TSHZ3: variants seen among roughly 807,000 people sequenced by gnomAD.
The protein encoded by TSHZ3 is teashirt zinc finger homeobox 3.
A neutral mutation model predicts 64.5 loss-of-function variants in TSHZ3; 10 were observed. The observed-to-expected ratio is 0.16, with a 90% confidence interval of 0.10 to 0.26. The LOEUF (loss-of-function observed/expected upper bound fraction) is 0.26. TSHZ3 is among the 10% of genes least tolerant of loss of function. TSHZ3 has a pLI of 1.00. For synonymous variants in TSHZ3, 608 were observed against 593.1 expected, an observed-to-expected ratio of 1.03 and a Z score of -0.36; for missense variants, 1,242 against 1,421.7, an observed-to-expected ratio of 0.87 and a Z score of 2.03.
At chr19:31,340,759 C>T (rs966428967) in intron 1 of TSHZ3, among the ~76,000 whole-genome samples, 1 of 152,220 alleles carries the variant, frequency 6.6e-6, no homozygotes, top group Non-Finnish European at 1.5e-5. Flanking sequence ...GGCCCAGACC[C>T]CAGGACCCTC....
rs559831410 is a variant in TSHZ3 at position 31,292,021 on chromosome 19, C to T, written c.41-12269G>A. On this transcript the variant is annotated intron_variant, in intron 1 of 1. Coordinates refer to ENST00000240587, the MANE Select transcript of TSHZ3 (RefSeq NM_020856.4). Reference sequence around the variant, plus strand: ...GCCTGTGGGTGCCGTATTCCCATTCCTCTTTGAGTTCAATACATTTCCAAG... The same window carrying T: ...GCCTGTGGGTGCCGTATTCCCATTCTTCTTTGAGTTCAATACATTTCCAAG... Among the ~76,000 whole-genome samples, 182 of 152,266 alleles carry T rather than the reference C, an allele frequency of 1.2e-3. 1 individual carries two copies. Among genetic ancestry groups the T allele is most frequent in the Admixed American group, 8.7e-3 (133 of 15,296 alleles).
At chr19:31,267,448 G>C (rs73927327) in intron 1 of TSHZ3, among the ~76,000 whole-genome samples, 2,193 of 152,100 alleles carry the variant, frequency 0.014, 57 homozygotes, top group African/African-American at 0.05. Context: ...GTCTGGAAGC[G>C]CCCTCAATCC....
At position 31,164,987 on chromosome 19, in the gene TSHZ3, G is replaced by A. The variant is rs1349256660; in HGVS notation, n.810-8570C>T. Among the ~76,000 whole-genome samples the A allele has an allele frequency of 2.0e-5, 3 of 152,340 alleles. No individual in the cohort carries two copies. In the East Asian group the frequency reaches 5.8e-4, roughly 29 times the overall value. ...GGCAGCCTCGGGCCTCAGTGGTGGT[G>A]GAAAGCCCACCCTGCCGAGCCCGTC... On this transcript the variant is annotated intron_variant and non_coding_transcript_variant, in intron 5 of 6. Transcript: ENST00000651361.
chr19:31,299,161 C>T (rs1976713446), intron 1 of TSHZ3, among the ~76,000 whole-genome samples: 1 of 152,192 alleles, frequency 6.6e-6, no homozygotes, highest in East Asian at 1.9e-4. Context: ...CACCACTGCA[C>T]TCCAGCCTGG....
chr19:31,317,965 C>T (rs1392793884), intron 1 of TSHZ3, among the ~76,000 whole-genome samples: 1 of 152,142 alleles, frequency 6.6e-6, no homozygotes, highest in Non-Finnish European at 1.5e-5. Context: ...CTCCCTTTAC[C>T]AAAATCAATT....
chr19:31,182,755 A>T (rs1364272283), intron 5 of TSHZ3, among the ~76,000 whole-genome samples: 1 of 151,744 alleles, frequency 6.6e-6, no homozygotes, highest in Non-Finnish European at 1.5e-5. Flanking sequence ...TTTCTTAGAC[A>T]AAAAAATACA....
At chr19:31,224,524 C>G (rs1281276330) in intron 4 of TSHZ3, among the ~76,000 whole-genome samples, 2 of 152,220 alleles carry the variant, frequency 1.3e-5, no homozygotes, top group African/African-American at 2.4e-5. Context: ...CCATACATGT[C>G]TCCCAGGACA....
At chr19:31,180,861 G>T (rs1257548191) in intron 5 of TSHZ3, among the ~76,000 whole-genome samples, 1 of 152,166 alleles carries the variant, frequency 6.6e-6, no homozygotes, top group African/African-American at 2.4e-5. Flanking sequence ...CGCTGGGGCA[G>T]GCATGTAATT....
intron 1 of TSHZ3, among the ~76,000 whole-genome samples, chr19:31,283,363 AT>A (rs1976399808): frequency 6.6e-6 from 1 of 152,168 alleles, no homozygotes; most frequent in Admixed American, 6.5e-5. Flanking sequence ...TAAAGGGAAA[AT>A]TCCCATCTTC....
At chr19:31,153,709 G>A (rs1303888724) in intron 6 of TSHZ3, among the ~76,000 whole-genome samples, 1 of 152,174 alleles carries the variant, frequency 6.6e-6, no homozygotes, top group African/African-American at 2.4e-5. Context: ...CTAAAACAGT[G>A]CCTGGCTCAG....
At chr19:31,228,390 G>A (rs979003485) in intron 3 of TSHZ3, among the ~76,000 whole-genome samples, 3 of 151,888 alleles carry the variant, frequency 2.0e-5, no homozygotes, top group Admixed American at 6.6e-5. Context: ...GCTAGGCATG[G>A]TGGTGTGTGC....
chr19:31,289,419 G>T (rs1976522773), intron 1 of TSHZ3, among the ~76,000 whole-genome samples: 1 of 152,190 alleles, frequency 6.6e-6, no homozygotes, highest in Admixed American at 6.5e-5. Flanking sequence ...ACAGAAAAGA[G>T]AAGAAAAAGG....
downstream of TSHZ3, among the ~76,000 whole-genome samples, chr19:31,272,349 A>T (rs1313711724): frequency 6.6e-6 from 1 of 152,184 alleles, no homozygotes; most frequent in East Asian, 1.9e-4. Context: ...TTGAGGAAGG[A>T]ACCACAGAGA....
intron 1 of TSHZ3, among the ~76,000 whole-genome samples, chr19:31,246,148 T>C (rs1164602807): frequency 2.0e-5 from 3 of 152,182 alleles, no homozygotes; most frequent in Non-Finnish European, 4.4e-5. Flanking sequence ...TAAAAAAGTA[T>C]GTTGCTAATC....
At chr19:31,157,932 C>T (rs1200424943) in intron 5 of TSHZ3, among the ~76,000 whole-genome samples, 4 of 152,230 alleles carry the variant, frequency 2.6e-5, no homozygotes, top group African/African-American at 7.2e-5. Flanking sequence ...CCCTGCCTCA[C>T]CCTGTGGTCA....
intron 4 of TSHZ3, among the ~76,000 whole-genome samples, chr19:31,216,257 T>C (rs1008740029): frequency 6.6e-5 from 10 of 152,064 alleles, no homozygotes; most frequent in Non-Finnish European, 1.3e-4. Flanking sequence ...TTGGGGGGGC[T>C]CCCAGCCCCC....
intron 1 of TSHZ3, among the ~76,000 whole-genome samples, chr19:31,300,647 T>A (rs1976740093): frequency 6.6e-6 from 1 of 152,152 alleles, no homozygotes; most frequent in African/African-American, 2.4e-5. Flanking sequence ...TGCATGGAGC[T>A]GACGCCCCAG....
rs1250214030 is a variant in TSHZ3, at chr19:31,285,811, A to AAAAGTG, written c.41-6065_41-6060dup. Among the ~76,000 whole-genome samples the AAAAGTG allele has an allele frequency of 9.6e-5, 14 of 146,428 alleles. 1 individual carries two copies. Among genetic ancestry groups the AAAAGTG allele is most frequent in the Middle Eastern group, 3.6e-3 (1 of 276 alleles). On this transcript the variant is annotated intron_variant, in intron 1 of 1. Transcript: ENST00000240587. ...AAAAAAAAAAAAAAAAAAAAAAAGG[A>AAAAGTG]AAAGTGAAAGTGAAAGAAAAAGAAA...
intron 4 of TSHZ3, among the ~76,000 whole-genome samples, chr19:31,216,316 C>T (rs1975328577): frequency 6.6e-6 from 1 of 152,188 alleles, no homozygotes; most frequent in Admixed American, 6.5e-5. Context: ...CAGCAAGGCT[C>T]CTGGCCTCAT....
Sources: allele counts gnomAD v4.1 joint callset (sites outside exome capture counted in the v4.1 genomes callset), GRCh38; gene constraint gnomAD v4.1.1; transcripts MANE v1.5; gene names NCBI Gene and HGNC (gene_info 2026-07-23, HGNC 2026-07-21).